Variants in LRRIQ3 observed in about 807,000 individuals in gnomAD.
LRRIQ3 encodes leucine rich repeats and IQ motif containing 3.
A neutral mutation model predicts 59.3 loss-of-function variants in LRRIQ3; 75 were observed. The observed-to-expected ratio is 1.26, with a 90% CI of 1.05 to 1.53. The LOEUF is 1.53. Among genes scored for constraint, LRRIQ3 ranks in the 40% most tolerant of loss-of-function variants. The pLI is 0.00. For missense variants in LRRIQ3, 831 were observed against 710.0 expected, an observed-to-expected ratio of 1.17 and a Z score of -1.94; for synonymous variants, 250 against 231.3, an observed-to-expected ratio of 1.08 and a Z score of -0.73.
At chr1:74,095,254 T>G (rs1646436822) in intron 5 of LRRIQ3, 1 of 152,082 alleles carries the variant, frequency 6.6e-6, no homozygotes, top group Non-Finnish European at 1.5e-5. Context: ...CTGAGAACAT[T>G]ATGATGCAGA....
intron 3 of LRRIQ3, among the ~76,000 whole-genome samples, chr1:74,170,675 C>T (rs950210823): frequency 6.6e-6 from 1 of 151,760 alleles, no homozygotes; most frequent in South Asian, 2.1e-4. Flanking sequence ...TTTTGTGGTG[C>T]CATATTAATT....
chr1:74,137,154 C>T (rs903230277), intron 4 of LRRIQ3, among the ~76,000 whole-genome samples: 4 of 151,682 alleles, frequency 2.6e-5, no homozygotes, highest in African/African-American at 7.3e-5. Context: ...GGGGGAAAAG[C>T]ATCTCCTCTT....
intron 6 of LRRIQ3, among the ~76,000 whole-genome samples, chr1:74,072,535 C>G (rs1655056707): frequency 6.6e-6 from 1 of 151,654 alleles, no homozygotes; most frequent in Non-Finnish European, 1.5e-5. Flanking sequence ...ATGTTTTTAT[C>G]ACGTTCTTAA....
At chr1:74,112,676 C>A (rs144661834) in intron 4 of LRRIQ3, among the ~76,000 whole-genome samples, 25 of 152,192 alleles carry the variant, frequency 1.6e-4, no homozygotes, top group African/African-American at 6.0e-4. Flanking sequence ...AAGCTTATAC[C>A]ACTGTCCTAC....
intron 6 of LRRIQ3, among the ~76,000 whole-genome samples, chr1:74,060,708 T>TCA (rs900129004): frequency 1.3e-5 from 2 of 151,758 alleles, no homozygotes; most frequent in African/African-American, 4.8e-5. Flanking sequence ...CAAGACCCTG[T>TCA]CACACACACA....
intron 3 of LRRIQ3, among the ~76,000 whole-genome samples, chr1:74,179,513 G>T (rs1649851012): frequency 6.6e-6 from 1 of 151,592 alleles, no homozygotes; most frequent in Non-Finnish European, 1.5e-5. Flanking sequence ...TTATTTTTCT[G>T]TTTTCATAAT....
intron 6 of LRRIQ3, among the ~76,000 whole-genome samples, chr1:74,046,759 A>G (rs149368148): frequency 0.025 from 3,858 of 152,234 alleles, 166 homozygotes; most frequent in African/African-American, 0.088. Flanking sequence ...CAAGAAAAAA[A>G]ACAAACAAAC....
At chr1:74,059,904 T>C (rs1176192799) in intron 6 of LRRIQ3, among the ~76,000 whole-genome samples, 1 of 152,096 alleles carries the variant, frequency 6.6e-6, no homozygotes, top group African/African-American at 2.4e-5. Flanking sequence ...TTAAATTTAT[T>C]CCTAGTTATT....
intron 1 of LRRIQ3, among the ~76,000 whole-genome samples, chr1:74,194,057 C>T (rs1650938432): frequency 6.6e-6 from 1 of 151,886 alleles, no homozygotes; most frequent in Non-Finnish European, 1.5e-5. Flanking sequence ...TGTTAAGTAA[C>T]GACTGTTTTA....
At chr1:74,102,589 C>T (rs113399249) in intron 5 of LRRIQ3, among the ~76,000 whole-genome samples, 10 of 152,076 alleles carry the variant, frequency 6.6e-5, no homozygotes, top group African/African-American at 2.2e-4. Flanking sequence ...AAAATTAGAA[C>T]TATGATATGA....
chr1:74,191,860 C>T (rs965774123), intron 1 of LRRIQ3, among the ~76,000 whole-genome samples: 3 of 151,920 alleles, frequency 2.0e-5, no homozygotes, highest in Non-Finnish European at 4.4e-5. Flanking sequence ...TATAAGCTGC[C>T]ATTTCTAGAA....
Position 74,109,376 on chromosome 1 carries a change from TAAAC to T in LRRIQ3, c.867+14_867+17del, listed in dbSNP as rs1231935333. The T allele has an allele frequency of 7.1e-7, 1 of 1,412,660 alleles. No homozygotes were observed. The highest frequency in any genetic ancestry group is 9.7e-7 in the Non-Finnish European group (1 of 1,034,150). The allele number at this position is 1,412,660 out of a possible 1,614,324, so 87.5% of individuals were successfully genotyped here. On this transcript the variant is annotated intron_variant, in intron 5 of 7. Transcript: ENST00000354431. Reference sequence around the variant, plus strand: ...TTAAATACATTTCAAATAAAAATAATAAACTAATTATACTTACATGTTTCCAATA... The same window carrying T: ...TTAAATACATTTCAAATAAAAATAATTAATTATACTTACATGTTTCCAATA...
Position 74,080,718 on chromosome 1 carries a change from C to T in LRRIQ3, c.868-5928G>A, listed in dbSNP as rs565844639. Among the ~76,000 whole-genome samples, 3 of 151,796 alleles carry T rather than the reference C, an allele frequency of 2.0e-5. No individual in the cohort carries two copies. In the East Asian group the frequency reaches 5.8e-4, roughly 29 times the overall value. On this transcript the variant is annotated intron_variant, in intron 5 of 7. Transcript: ENST00000354431. ...AATACTCAAAGAGATTATACTAAAA[C>T]TCAAACAAAAAGAGTCGCCTTTATT...
In LRRIQ3 at chr1:74,026,574, T is replaced by G. The variant is rs1466221269; in HGVS notation, c.*239A>C. 4 of 342,588 alleles carry G rather than the reference T, an allele frequency of 1.2e-5. No individual in the cohort carries two copies. The highest frequency in any genetic ancestry group is 2.1e-5 in the Non-Finnish European group (4 of 190,264). 21.2% of individuals were successfully genotyped at this position (342,588 alleles called of 1,614,324 possible). ...ATTGTCTGCAATACATTAAATCAGT[T>G]TAATTGTTCCTTAGGCATCTGATCT... On this transcript the variant is annotated 3_prime_UTR_variant, in exon 8 of 8. Transcript: ENST00000354431.
chr1:74,182,154 T>G (rs1219760048), intron 3 of LRRIQ3: 5 of 152,128 alleles, frequency 3.3e-5, no homozygotes, highest in Non-Finnish European at 7.4e-5. Context: ...AATAACCAAA[T>G]CAATTGTGTA....
In LRRIQ3 at chr1:74,120,203, C is replaced by T. The variant is rs546743729; in HGVS notation, c.708-10650G>A. Among the ~76,000 whole-genome samples the T allele has an allele frequency of 2.3e-4, 35 of 151,582 alleles. No individual in the cohort carries two copies. The East Asian group carries it at 3.3e-3, about 14-fold the overall frequency. On this transcript the variant is annotated intron_variant, in intron 4 of 7. Coordinates refer to ENST00000354431, the MANE Select transcript of LRRIQ3 (RefSeq NM_001105659.2). ...CGTGATCTCGGCTCACTGCAACCTC[C>T]GCCTCCTGGGTTCAAGTGATTCTCC...
rs147024264 is a variant in LRRIQ3 at position 74,061,586 on chromosome 1, T to C, written c.997+13075A>G. On this transcript the variant is annotated intron_variant, in intron 6 of 7. Transcript: ENST00000354431. ...AAAACTCGACCACTTCCTTATACCA[T>C]ATAGAAAAATCAACTCAAGATATAT... Among the ~76,000 whole-genome samples the C allele has an allele frequency of 1.1e-4, 17 of 152,140 alleles. No homozygotes were observed. In the East Asian group the frequency reaches 2.7e-3, roughly 24 times the overall value.
In LRRIQ3 at chr1:74,125,170, C is replaced by A. The variant is rs192197551; in HGVS notation, c.708-15617G>T. Among the ~76,000 whole-genome samples, 1,008 of 151,816 alleles carry A rather than the reference C, an allele frequency of 6.6e-3. 9 individuals are homozygous for A. The highest frequency in any genetic ancestry group is 0.058 in the Middle Eastern group (17 of 292). ...TATTTTTCAGATTGTTCACTGTTGG[C>A]ATACAGAAATGCTACTGGTTTTTCT... On this transcript the variant is annotated intron_variant, in intron 4 of 7. Transcript: ENST00000354431.
In LRRIQ3 at chr1:74,198,073, C is replaced by G; in HGVS notation, c.-78G>C. ...CAACACAGTCAGACAAATCGCTGGG[C>G]GGCCATCTGCTCCTGAGACCGTTGC... On this transcript the variant is annotated 5_prime_UTR_variant, in exon 1 of 8. Transcript: ENST00000354431. 9.4e-7 allele frequency: 1 copy of G among 1,066,070 alleles called. No homozygotes were observed. The highest frequency in any genetic ancestry group is 1.3e-6 in the Non-Finnish European group (1 of 770,254). The allele number at this position is 1,066,070 out of a possible 1,614,324, so 66.0% of individuals were successfully genotyped here.
Sources: allele counts gnomAD v4.1 joint callset (sites outside exome capture counted in the v4.1 genomes callset), GRCh38; gene constraint gnomAD v4.1.1; transcripts MANE v1.5; gene names NCBI Gene and HGNC (gene_info 2026-07-23, HGNC 2026-07-21).